Variants in CPN2 observed in about 807,000 individuals in gnomAD.
CPN2 encodes the protein carboxypeptidase N 83 kDa chain.
For missense variants in CPN2, 620 were observed against 671.4 expected (o/e 0.92, Z 0.85); for synonymous variants, 336 against 318.4 (o/e 1.06, Z -0.59).
intron 1 of CPN2, among the ~76,000 whole-genome samples, chr3:194,348,531 C>T (rs564835516): frequency 6.6e-4 from 101 of 152,330 alleles, no homozygotes; most frequent in Middle Eastern, 3.4e-3. Flanking sequence ...AAATGTCCAA[C>T]ATGAGGGATT....
At chr3:194,347,578 T>A (rs1201411666) in intron 1 of CPN2, among the ~76,000 whole-genome samples, 1 of 152,180 alleles carries the variant, frequency 6.6e-6, no homozygotes, top group Non-Finnish European at 1.5e-5. Flanking sequence ...GTCCAGTGGC[T>A]GAGACGGTCA....
intron 1 of CPN2, among the ~76,000 whole-genome samples, chr3:194,346,005 G>A (rs746867274): frequency 5.6e-4 from 85 of 152,230 alleles, no homozygotes; most frequent in Non-Finnish European, 8.2e-4. Context: ...GCTAAGGCTC[G>A]GGAGATGCAG....
rs936445809 is a variant in CPN2, at chr3:194,340,857, G to A, written c.*208C>T. ...GGCATAAGGATGGCCTTGTTAGGCC[G>A]CACACTCCAGGAGAAGCGATGAAGG... On this transcript the variant is annotated 3_prime_UTR_variant, in exon 2 of 2. Coordinates refer to ENST00000323830, the MANE Select transcript of CPN2 (RefSeq NM_001080513.4). 13 of 736,980 alleles carry A rather than the reference G, an allele frequency of 1.8e-5. No individual in the cohort carries two copies. The highest frequency in any genetic ancestry group is 8.8e-5 in the African/African-American group (5 of 56,824). The allele number at this position is 736,980 out of a possible 1,614,324, so 45.7% of individuals were successfully genotyped here.
rs1223620703 is a variant in CPN2, at chr3:194,341,214, C to T, written c.1489G>A (p.Ala497Thr). Reference sequence around the variant, plus strand: ...TGGACGTTCAGCCAGCGACACTGGGCCTGGTCACAGGCGAGCACCACGGTG... The same window carrying T: ...TGGACGTTCAGCCAGCGACACTGGGTCTGGTCACAGGCGAGCACCACGGTG... ...EGTVVLACDQ[A>T]QCRWLNVQLS... The change falls in exon 2 of 2, where the codon GCC becomes ACC. Residue 497 changes from alanine to threonine, a missense_variant. Physicochemically the swap from Ala to Thr is moderately conservative, Grantham distance 58. Transcript: ENST00000323830. The T allele has an allele frequency of 3.1e-6, 5 of 1,613,598 alleles. No individual in the cohort carries two copies. The highest frequency in any genetic ancestry group is 2.2e-5 in the South Asian group (2 of 91,084).
Position 194,341,261 on chromosome 3 carries a change from C to T in CPN2, c.1442G>A (p.Cys481Tyr), listed in dbSNP as rs369668127. 11 of 1,613,432 alleles carry T rather than the reference C, an allele frequency of 6.8e-6. No individual in the cohort carries two copies. The African/African-American group carries it at 1.2e-4, about 18-fold the overall frequency. The change falls in exon 2 of 2, where the codon TGC becomes TAC. Residue 481 changes from cysteine (C) to tyrosine (Y), a missense_variant. Coordinates refer to ENST00000323830, the MANE Select transcript of CPN2 (RefSeq NM_001080513.4). ...GGTGCCCTCGGGGTTGCTGTAGGTG[C>T]ACTGGCTCCGGGCTGCCCTTTCCTG... The part of the protein sequence containing the change: ...AVQERAARSQ[C>Y]TYSNPEGTVV...
intron 1 of CPN2, among the ~76,000 whole-genome samples, chr3:194,346,516 C>T (rs1394207533): frequency 6.6e-6 from 1 of 152,194 alleles, no homozygotes; most frequent in Admixed American, 6.5e-5. Flanking sequence ...TCAGCCCGAG[C>T]CCCATCCTCA....
intron 1 of CPN2, among the ~76,000 whole-genome samples, chr3:194,344,054 A>G (rs1341637309): frequency 2.6e-5 from 4 of 152,220 alleles, no homozygotes; most frequent in Non-Finnish European, 5.9e-5. Flanking sequence ...CGGGTTCTGC[A>G]GTTGCAGAAT....
intron 1 of CPN2, among the ~76,000 whole-genome samples, chr3:194,349,294 G>C (rs901252479): frequency 2.0e-5 from 3 of 152,198 alleles, no homozygotes; most frequent in Admixed American, 6.5e-5. Flanking sequence ...CCGGGAGGCG[G>C]AGGTTGCAGT....
Position 194,341,811 on chromosome 3 carries a change from G to T in CPN2, c.892C>A (p.His298Asn). ...TCAGCGACAGTCTCCAGCTGGTTAT[G>T]GGTCAGAGACAGGCCAACCAGGCAC... is the stretch of plus-strand genomic sequence containing the variant. Reference protein sequence around the residue: ...TPCLVGLSLTHNQLETVAEGT... With the variant: ...TPCLVGLSLTNNQLETVAEGT... Residue 298 changes from histidine (H) to asparagine (N), a missense_variant, in exon 2 of 2, where the codon CAT (histidine) becomes AAT (asparagine). By Grantham distance (68) the His-to-Asn change is moderately conservative (BLOSUM62 1). Transcript: ENST00000323830. 6.2e-7 allele frequency: 1 copy of T among 1,613,950 alleles called. No individual in the cohort carries two copies. The highest frequency in any genetic ancestry group is 8.5e-7 in the Non-Finnish European group (1 of 1,179,840).
At chr3:194,343,093 T>C (rs546894872) in intron 1 of CPN2, among the ~76,000 whole-genome samples, 2 of 152,258 alleles carry the variant, frequency 1.3e-5, no homozygotes, top group South Asian at 2.1e-4. Context: ...CTTTGCACAG[T>C]TGGTGGAGGG....
chr3:194,348,627 A>G (rs763460579), intron 1 of CPN2, among the ~76,000 whole-genome samples: 2 of 152,248 alleles, frequency 1.3e-5, no homozygotes, highest in African/African-American at 2.4e-5. Flanking sequence ...TCAGTGGCTC[A>G]TGCCTGTCAT....
chr3:194,349,186 C>A (rs536370854), intron 1 of CPN2, among the ~76,000 whole-genome samples: 6 of 152,200 alleles, frequency 3.9e-5, no homozygotes, highest in African/African-American at 7.2e-5. Flanking sequence ...CATGATGAAA[C>A]CCCGTCTCTA....
intron 1 of CPN2, among the ~76,000 whole-genome samples, chr3:194,346,861 T>C (rs1293330095): frequency 2.0e-5 from 3 of 152,152 alleles, no homozygotes; most frequent in African/African-American, 7.2e-5. Flanking sequence ...ACCACCCCAC[T>C]GTGAGCCAAT....
intron 1 of CPN2, among the ~76,000 whole-genome samples, chr3:194,346,929 A>G (rs1367555854): frequency 2.6e-5 from 4 of 152,168 alleles, no homozygotes; most frequent in Non-Finnish European, 5.9e-5. Flanking sequence ...GGAAAGAGCT[A>G]GAAGGTTTAG....
chr3:194,343,812 C>T (rs1330447796), intron 1 of CPN2, among the ~76,000 whole-genome samples: 1 of 152,202 alleles, frequency 6.6e-6, no homozygotes, highest in Non-Finnish European at 1.5e-5. Context: ...ACATCAGGAT[C>T]TGGCATAGAG....
rs540323606 is a variant in CPN2 at position 194,345,234 on chromosome 3, C to G, written c.-3-2529G>C. Among the ~76,000 whole-genome samples the G allele has an allele frequency of 3.9e-5, 6 of 152,346 alleles. No homozygotes were observed. In the South Asian group the frequency reaches 6.2e-4, roughly 16 times the overall value. Reference sequence around the variant, plus strand: ...AGCAGTTTGGGAGGCAGAGCCACCCCCCTGGGATGGGCAAACCCAGAACAA... The same window carrying G: ...AGCAGTTTGGGAGGCAGAGCCACCCGCCTGGGATGGGCAAACCCAGAACAA... On this transcript the variant is annotated intron_variant, in intron 1 of 1. Coordinates refer to ENST00000323830, the MANE Select transcript of CPN2 (RefSeq NM_001080513.4).
intron 1 of CPN2, among the ~76,000 whole-genome samples, chr3:194,344,835 C>T (rs1180672978): frequency 6.6e-6 from 1 of 152,184 alleles, no homozygotes; most frequent in African/African-American, 2.4e-5. Context: ...TGCCTCCTGG[C>T]TCTGTGTCCC....
At position 194,341,461 on chromosome 3, in the gene CPN2, GGT is replaced by G. The variant is rs772230136; in HGVS notation, c.1240_1241del (p.Thr414ArgfsTer26). The G allele has an allele frequency of 6.2e-7, 1 of 1,614,212 alleles. No individual in the cohort carries two copies. The highest frequency in any genetic ancestry group is 8.5e-7 in the Non-Finnish European group (1 of 1,180,036). On this transcript the variant is annotated frameshift_variant, in exon 2 of 2. Transcript: ENST00000323830. LOFTEE classifies it low-confidence loss of function (END_TRUNC). ...AYLFNWLQQY[T>X]DRLLNIQTYC... ...AGGTCTGGATGTTCAGGAGCCGATC[GGT>G]GTACTGCTGCAGCCAGTTGAAGAGG... is the stretch of plus-strand genomic sequence containing the variant.
rs1423789937 is a variant in CPN2, at chr3:194,341,547, TGTA to T, written c.1153_1155del (p.Tyr385del). On this transcript the variant is annotated inframe_deletion, in exon 2 of 2. Transcript: ENST00000323830. Reference sequence around the variant, plus strand: ...CCGTGCAGGGCCAGGTTGAACAGGTTGTAGTTGGTGTCGAAGATGCCCTCCGGA... The same window carrying T: ...CCGTGCAGGGCCAGGTTGAACAGGTTGTTGGTGTCGAAGATGCCCTCCGGA... 8.7e-6 allele frequency: 14 copies of T among 1,614,014 alleles called. No homozygotes were observed. Among genetic ancestry groups the T allele is most frequent in the Non-Finnish European group, 1.2e-5 (14 of 1,180,012 alleles).
Sources: gnomAD v4.1 joint callset for allele counts (sites outside exome capture counted in the v4.1 genomes callset) on GRCh38, gnomAD v4.1.1 for gene constraint, MANE v1.5 for transcripts, NCBI Gene and HGNC (gene_info 2026-07-23, HGNC 2026-07-21) for gene names.